SMURF2: variants seen among roughly 807,000 people sequenced by gnomAD.
SMURF2 encodes the protein E3 ubiquitin-protein ligase SMURF2.
Under a neutral mutation model 109.6 loss-of-function variants are expected in SMURF2, and 48 were observed. The ratio of observed to expected loss-of-function variants is 0.44; its 90% CI spans 0.35 to 0.56. The LOEUF is 0.56. Among genes scored for constraint, SMURF2 ranks in the 20% least tolerant of loss-of-function variants. The pLI is 0.01. For missense variants in SMURF2, 575 were observed against 909.0 expected, an observed-to-expected ratio of 0.63 and a Z score of 4.72; for synonymous variants, 288 against 317.1, an observed-to-expected ratio of 0.91 and a Z score of 0.97.
At chr17:64,660,498 T>A (rs1287142646) in intron 1 of SMURF2, among the ~76,000 whole-genome samples, 1 of 152,206 alleles carries the variant, frequency 6.6e-6, no homozygotes, top group Non-Finnish European at 1.5e-5. Flanking sequence ...AAAACTGCCA[T>A]GAAAGTAATA....
rs901773771 is a variant in SMURF2, at chr17:64,581,051, T to C, written c.570-60A>G. 3 of 1,446,538 alleles carry C rather than the reference T, an allele frequency of 2.1e-6. No individual in the cohort carries two copies. In the African/African-American group the frequency reaches 4.2e-5, roughly 20 times the overall value. The allele number at this position is 1,446,538 out of a possible 1,614,324, so 89.6% of individuals were successfully genotyped here. A position where few individuals can be genotyped will look rare whatever the true frequency, so the allele number is the denominator to read the frequency against. Reference sequence around the variant, plus strand: ...TTTAGATATCAAAAGTAGAGTTCTCTAGACAATATATATATACTGCAGTAA... The same window carrying C: ...TTTAGATATCAAAAGTAGAGTTCTCCAGACAATATATATATACTGCAGTAA... On this transcript the variant is annotated intron_variant, in intron 7 of 18. Coordinates refer to ENST00000262435, the MANE Select transcript of SMURF2 (RefSeq NM_022739.4). The surrounding 1 kb of genome is among the most constrained non-coding windows in gnomAD (Gnocchi z 4.3).
rs941700437 is a variant in SMURF2 at position 64,662,052 on chromosome 17, G to A, written c.-172C>T. 21 of 1,106,684 alleles carry A rather than the reference G, an allele frequency of 1.9e-5. No individual in the cohort carries two copies. The highest frequency in any genetic ancestry group is 4.9e-5 in the East Asian group (1 of 20,240). The allele number at this position is 1,106,684 out of a possible 1,614,324, so 68.6% of individuals were successfully genotyped here. On this transcript the variant is annotated 5_prime_UTR_variant, in exon 1 of 19. Transcript: ENST00000262435. ...CGTCGCCATGAGCCGCGGAGGGAGC[G>A]GGACGCCGAGCTCCCCCCTCCTCCC... is the stretch of plus-strand genomic sequence containing the variant.
chr17:64,590,999 G>C (rs1265760939), intron 5 of SMURF2, 85 bp downstream of exon 5: 2 of 955,404 alleles, frequency 2.1e-6, no homozygotes, highest in Admixed American at 4.2e-5. Context: ...TGAAGCTACA[G>C]TTATTATACT....
intron 9 of SMURF2, among the ~76,000 whole-genome samples, chr17:64,573,297 T>C (rs1969442626): frequency 7.4e-6 from 1 of 134,702 alleles, no homozygotes; most frequent in Non-Finnish European, 1.6e-5. Flanking sequence ...GAGGAGAAGA[T>C]AAAAGCAGCA....
intron 10 of SMURF2, among the ~76,000 whole-genome samples, chr17:64,567,834 C>T (rs1555685167): frequency 2.0e-5 from 3 of 151,244 alleles, no homozygotes; most frequent in South Asian, 2.1e-4. Flanking sequence ...GGATTACAGG[C>T]ACCCGCCACC....
intron 1 of SMURF2, among the ~76,000 whole-genome samples, chr17:64,615,067 T>C (rs1358299541): frequency 1.3e-5 from 2 of 152,210 alleles, no homozygotes; most frequent in Non-Finnish European, 2.9e-5. Flanking sequence ...CAGGTAATAG[T>C]ATCAGAGTAA....
At chr17:64,651,357 G>C (rs1169519508) in intron 1 of SMURF2, among the ~76,000 whole-genome samples, 1 of 151,978 alleles carries the variant, frequency 6.6e-6, no homozygotes, top group Admixed American at 6.6e-5. Flanking sequence ...TGGATCATTT[G>C]ATGTCAGGAG....
chr17:64,576,215 G>C (rs1555686045), intron 9 of SMURF2, among the ~76,000 whole-genome samples: 1 of 151,868 alleles, frequency 6.6e-6, no homozygotes, highest in African/African-American at 2.4e-5. Flanking sequence ...AAAAAAAAGA[G>C]AGGGAGGGAG....
At chr17:64,576,617 T>C (rs926162361) in intron 9 of SMURF2, among the ~76,000 whole-genome samples, 2 of 151,778 alleles carry the variant, frequency 1.3e-5, no homozygotes, top group Non-Finnish European at 2.9e-5. Context: ...TGAGCTGACA[T>C]TGCACCACTG....
chr17:64,590,988 A>G (rs558586008), intron 5 of SMURF2, 96 bp downstream of exon 5: 120 of 781,128 alleles, frequency 1.5e-4, no homozygotes, highest in Admixed American at 2.3e-4. Flanking sequence ...GGCCAACACA[A>G]TGAAGCTACA....
At position 64,636,236 on chromosome 17, in the gene SMURF2, G is replaced by A. The variant is rs146463929; in HGVS notation, c.52+25593C>T. ...AGCCTCTCAAGTAGCTGAGACTATA[G>A]GCATGTGCCAACACATCTGGCTAGC... is the stretch of plus-strand genomic sequence containing the variant. On this transcript the variant is annotated intron_variant, in intron 1 of 18. Transcript: ENST00000262435. Among the ~76,000 whole-genome samples the A allele has an allele frequency of 5.3e-5, 8 of 152,228 alleles. No homozygotes were observed. The South Asian group carries it at 6.2e-4, about 12-fold the overall frequency.
At chr17:64,583,650 G>A (rs1004848144) in intron 6 of SMURF2, 106 bp from the exon 7 acceptor site, 27 of 754,082 alleles carry the variant, frequency 3.6e-5, no homozygotes, top group Middle Eastern at 4.6e-4. Flanking sequence ...ATGCCAACCC[G>A]AAGTATCAAT....
rs1411922645 is a variant in SMURF2 at position 64,658,282 on chromosome 17, G to A, written c.52+3547C>T. Among the ~76,000 whole-genome samples, 5 of 152,102 alleles carry A rather than the reference G, an allele frequency of 3.3e-5. No individual in the cohort carries two copies. In the South Asian group the frequency reaches 1.0e-3, roughly 32 times the overall value. On this transcript the variant is annotated intron_variant, in intron 1 of 18. Coordinates refer to ENST00000262435, the MANE Select transcript of SMURF2 (RefSeq NM_022739.4). ...TGAGGCAGGAGAATCACTTGAACCC[G>A]GGAGGTGGAGGTTGCAGTGGGCCGA...
At chr17:64,604,683 T>C (rs1555688877) in intron 2 of SMURF2, among the ~76,000 whole-genome samples, 1 of 152,034 alleles carries the variant, frequency 6.6e-6, no homozygotes, top group African/African-American at 2.4e-5. Context: ...CGATGGTTCA[T>C]GTCTATAATC....
intron 12 of SMURF2, among the ~76,000 whole-genome samples, chr17:64,560,179 C>T (rs1969191820): frequency 6.6e-6 from 1 of 151,916 alleles, no homozygotes; most frequent in South Asian, 2.1e-4. Context: ...CACACCACTG[C>T]ACTCCATGGA....
chr17:64,582,689 C>G, intron 7 of SMURF2, among the ~76,000 whole-genome samples: 1 of 152,190 alleles, frequency 6.6e-6, no homozygotes, highest in Non-Finnish European at 1.5e-5. Flanking sequence ...ACCTCCACCT[C>G]CTGGGTTCAA....
chr17:64,622,665 C>A (rs1236476023), intron 1 of SMURF2, among the ~76,000 whole-genome samples: 1 of 152,150 alleles, frequency 6.6e-6, no homozygotes, highest in Non-Finnish European at 1.5e-5. Context: ...AACATCATAT[C>A]AAGGGTACAT....
intron 7 of SMURF2, among the ~76,000 whole-genome samples, chr17:64,582,257 C>T (rs1214532340): frequency 1.3e-5 from 2 of 152,152 alleles, no homozygotes; most frequent in Non-Finnish European, 2.9e-5. Flanking sequence ...GCAATTAGTT[C>T]TGTATAAATA....
chr17:64,621,986 A>AATT (rs57165402), intron 1 of SMURF2, among the ~76,000 whole-genome samples: 3 of 130,998 alleles, frequency 2.3e-5, no homozygotes, highest in Non-Finnish European at 3.3e-5. Context: ...TAATAATAAT[A>AATT]AAAAAAAGCA....
Sources: allele counts gnomAD v4.1 joint callset (sites outside exome capture counted in the v4.1 genomes callset), GRCh38; gene constraint gnomAD v4.1.1; non-coding constraint Gnocchi (gnomAD v3.1); transcripts MANE v1.5; gene names NCBI Gene and HGNC (gene_info 2026-07-23, HGNC 2026-07-21).